DHH: variants seen among roughly 807,000 people sequenced by gnomAD.
The protein encoded by DHH is desert hedgehog protein.
Under a neutral mutation model 27.6 loss-of-function variants are expected in DHH, and 16 were observed. That is an observed-to-expected ratio of 0.58 (90% CI 0.39 to 0.88). The LOEUF (loss-of-function observed/expected upper bound fraction) is 0.88. Among genes scored for constraint, DHH ranks in the 40% least tolerant of loss-of-function variants. The pLI is 0.00. For missense variants in DHH, 436 were observed against 563.1 expected, an observed-to-expected ratio of 0.77 and a Z score of 2.28; for synonymous variants, 289 against 263.4, an observed-to-expected ratio of 1.10 and a Z score of -0.94.
chr12:49,089,996 A>G lies in DHH; in HGVS notation c.1054T>C (p.Trp352Arg), dbSNP rs1320122055. 6.4e-7 allele frequency: 1 copy of G among 1,565,596 alleles called. No individual in the cohort carries two copies. The highest frequency in any genetic ancestry group is 2.4e-5 in the East Asian group (1 of 42,358). ...SCYAVLESHQ[W>R]AHRAFAPLRL... ...AAGGGGGCAAAAGCGCGGTGCGCCC[A>G]CTGGTGACTCTCCAGAACCGCGTAG... The change falls in exon 3 of 3, where the codon TGG becomes CGG. Residue 352 changes from tryptophan (W) to arginine (R), a missense_variant. Transcript: ENST00000649637.
rs1939239956 is a variant in DHH, at chr12:49,088,328, G to T, written c.*1531C>A. ...CACCCATCATCTCTCCCTCCTGGGA[G>T]CGGGCTCCTTTGCGCAGGTCCAGTA... On this transcript the variant is annotated 3_prime_UTR_variant, in exon 3 of 3. Transcript: ENST00000649637. Among the ~76,000 whole-genome samples, 1 of 152,192 alleles carries T rather than the reference G, an allele frequency of 6.6e-6. No homozygotes were observed. Among genetic ancestry groups the T allele is most frequent in the Non-Finnish European group, 1.5e-5 (1 of 68,018 alleles).
In DHH at chr12:49,088,248, G is replaced by A. The variant is rs1310105437; in HGVS notation, c.*1611C>T. 2.0e-5 allele frequency among the ~76,000 whole-genome samples: 3 copies of A among 152,124 alleles called. No homozygotes were observed. Among genetic ancestry groups the A allele is most frequent in the East Asian group, 3.8e-4 (2 of 5,198 alleles). ...CGACTTGCCCAAGGAGAAGCAGGTG[G>A]ACTCCTTGACAGCTCCTGATATGTG... On this transcript the variant is annotated 3_prime_UTR_variant, in exon 3 of 3. Coordinates refer to ENST00000649637, the MANE Select transcript of DHH (RefSeq NM_021044.4).
In DHH at chr12:49,087,090, AT is replaced by A. The variant is rs1939222243; in HGVS notation, c.*2768del. Among the ~76,000 whole-genome samples, 1 of 152,130 alleles carries A rather than the reference AT, an allele frequency of 6.6e-6. No homozygotes were observed. Among genetic ancestry groups the A allele is most frequent in the South Asian group, 2.1e-4 (1 of 4,838 alleles). ...CAAATCATCATCGCCTATTTTGTTG[AT>A]GGTGAAAGGTGCTGCAATTGGGAGG... On this transcript the variant is annotated 3_prime_UTR_variant, in exon 3 of 3. Transcript: ENST00000649637.
chr12:49,089,908 T>A lies in DHH; in HGVS notation c.1142A>T (p.His381Leu). 1 of 1,594,280 alleles carries A rather than the reference T, an allele frequency of 6.3e-7. No individual in the cohort carries two copies. The highest frequency in any genetic ancestry group is 1.3e-5 in the African/African-American group (1 of 74,616). The change falls in exon 3 of 3, where the codon CAT (histidine) becomes CTT (leucine). Residue 381 changes from histidine (H) to leucine (L), a missense_variant. Transcript: ENST00000649637. ...GCGGTAGAGGAGCCGAGAGTACCAATGCATGCCAGTCGGCTGGACGGCCCC... is the reference window on the plus strand; with the variant it reads ...GCGGTAGAGGAGCCGAGAGTACCAAAGCATGCCAGTCGGCTGGACGGCCCC... ...PGGAVQPTGM[H>L]WYSRLLYRLA... is the part of the protein sequence containing the mutation.
rs1939287462 is a variant in DHH at position 49,090,728 on chromosome 12, C to A, written c.566-244G>T. On this transcript the variant is annotated intron_variant, in intron 2 of 2. Transcript: ENST00000649637. The surrounding 1 kb of genome is among the most constrained non-coding windows in gnomAD (Gnocchi z 5.2). The stretch of plus-strand genomic sequence containing the variant: ...GTATGTATGTATTTTGAGATAGAAT[C>A]TCGCTCTGTCGCCCAGTAGATGGAG... 6.6e-6 allele frequency among the ~76,000 whole-genome samples: 1 copy of A among 151,260 alleles called. No individual in the cohort carries two copies. The highest frequency in any genetic ancestry group is 6.6e-5 in the Admixed American group (1 of 15,174).
Position 49,088,961 on chromosome 12 carries a change from T to G in DHH, c.*898A>C, listed in dbSNP as rs147399157. 3.3e-5 allele frequency among the ~76,000 whole-genome samples: 5 copies of G among 152,322 alleles called. 1 individual carries two copies. Among genetic ancestry groups the G allele is most frequent in the South Asian group, 2.1e-4 (1 of 4,830 alleles). On this transcript the variant is annotated 3_prime_UTR_variant, in exon 3 of 3. Coordinates refer to ENST00000649637, the MANE Select transcript of DHH (RefSeq NM_021044.4). ...GACGATTGCAAATTATTACCCAGGT[T>G]TCCCATGGATCATCAGTTGGCCCAG...
rs1264210949 is a variant in DHH at position 49,087,109 on chromosome 12, T to G, written c.*2750A>C. ...TTGTTGATGGTGAAAGGTGCTGCAA[T>G]TGGGAGGTGTTGCATGGCCAAGTGA... On this transcript the variant is annotated 3_prime_UTR_variant, in exon 3 of 3. Coordinates refer to ENST00000649637, the MANE Select transcript of DHH (RefSeq NM_021044.4). 1.3e-5 allele frequency among the ~76,000 whole-genome samples: 2 copies of G among 152,094 alleles called. No individual in the cohort carries two copies. The highest frequency in any genetic ancestry group is 2.9e-5 in the Non-Finnish European group (2 of 68,024).
rs769856217 is a variant in DHH at position 49,091,423 on chromosome 12, AC to A, written c.304-35del. 4.3e-6 allele frequency: 7 copies of A among 1,611,762 alleles called. No individual in the cohort carries two copies. The South Asian group carries it at 6.6e-5, about 15-fold the overall frequency. ...GAATAAAGGAGTCAGTCTCCCCACC[AC>A]CACCCTTGGGGCAAAAGGGACCTGG... On this transcript the variant is annotated intron_variant, in intron 1 of 2. Transcript: ENST00000649637. This position sits in a 1 kb window ranked among gnomAD's most constrained non-coding sequence, Gnocchi z 4.8.
rs1281096937 is a variant in DHH, at chr12:49,087,527, A to T, written c.*2332T>A. Among the ~76,000 whole-genome samples the T allele has an allele frequency of 1.3e-5, 2 of 152,060 alleles. No individual in the cohort carries two copies. The highest frequency in any genetic ancestry group is 4.8e-5 in the African/African-American group (2 of 41,376). On this transcript the variant is annotated 3_prime_UTR_variant, in exon 3 of 3. Transcript: ENST00000649637. ...AGACCAGCCTGGGCAACGTAGCAAG[A>T]CTCTGTCTCTACAGAAAATACAAAC...
chr12:49,093,775 CTTCTT>C (rs1592187236), intron 1 of DHH, among the ~76,000 whole-genome samples: 1 of 152,292 alleles, frequency 6.6e-6, no homozygotes, highest in East Asian at 1.9e-4. Context: ...TTTTCAGTCT[CTTCTT>C]TTCGGCCCAC....
In DHH at chr12:49,091,368, C is replaced by T. The variant is rs1462443468; in HGVS notation, c.325G>A (p.Ala109Thr). The T allele has an allele frequency of 6.2e-7, 1 of 1,614,194 alleles. No individual in the cohort carries two copies. The highest frequency in any genetic ancestry group is 8.5e-7 in the Non-Finnish European group (1 of 1,180,034). ...MTERCKERVN[A>T]LAIAVMNMWP... Reference sequence around the variant, plus strand: ...ATGTTCATCACGGCAATGGCCAAAGCGTTCACCCGCTCCTTACAACGCTGG... The same window carrying T: ...ATGTTCATCACGGCAATGGCCAAAGTGTTCACCCGCTCCTTACAACGCTGG... The change falls in exon 2 of 3, where the codon GCT becomes ACT. Residue 109 changes from alanine (A) to threonine (T), a missense_variant. By Grantham distance (58) the Ala-to-Thr change is moderately conservative. Coordinates refer to ENST00000649637, the MANE Select transcript of DHH (RefSeq NM_021044.4). This position sits in a 1 kb window ranked among gnomAD's most constrained non-coding sequence, Gnocchi z 4.8.
chr12:49,094,689 G>A lies in DHH; in HGVS notation c.-177C>T. On this transcript the variant is annotated 5_prime_UTR_variant, in exon 1 of 3. Transcript: ENST00000649637. Reference sequence around the variant, plus strand: ...CTAGCTCTGCCCACGTGCCCCGGGAGCGGGCGGGGGGTGTCTAGGACCTGC... The same window carrying A: ...CTAGCTCTGCCCACGTGCCCCGGGAACGGGCGGGGGGTGTCTAGGACCTGC... 1.3e-6 allele frequency: 1 copy of A among 783,334 alleles called. No homozygotes were observed. The highest frequency in any genetic ancestry group is 2.1e-6 in the Non-Finnish European group (1 of 473,682). 48.5% of individuals were successfully genotyped at this position (783,334 alleles called of 1,614,324 possible).
At position 49,091,224 on chromosome 12, in the gene DHH, T is replaced by G. The variant is rs1186036220; in HGVS notation, c.469A>C (p.Asn157His). Residue 157 changes from asparagine to histidine, a missense_variant, in exon 2 of 3, where the codon AAC becomes CAC. Coordinates refer to ENST00000649637, the MANE Select transcript of DHH (RefSeq NM_021044.4). This position sits in a 1 kb window ranked among gnomAD's most constrained non-coding sequence, Gnocchi z 4.8. The part of the protein sequence containing the change: ...LDITTSDRDR[N>H]KYGLLARLAV... ...AGGCGCGCCAGCAACCCATACTTGTTGCGGTCGCGGTCAGACGTAGTGATG... is the reference window on the plus strand; with the variant it reads ...AGGCGCGCCAGCAACCCATACTTGTGGCGGTCGCGGTCAGACGTAGTGATG... 1 of 1,614,082 alleles carries G rather than the reference T, an allele frequency of 6.2e-7. No individual in the cohort carries two copies. The highest frequency in any genetic ancestry group is 1.3e-5 in the African/African-American group (1 of 74,924).
rs1939258903 is a variant in DHH, at chr12:49,089,648, A to C, written c.*211T>G. On this transcript the variant is annotated 3_prime_UTR_variant, in exon 3 of 3. Transcript: ENST00000649637. ...GGGAGAGGCTAAATAGTCCTCTTTA[A>C]GGAGTGCGCACCATCAGCCCTACCT... The C allele has an allele frequency of 2.1e-6, 1 of 484,516 alleles. No individual in the cohort carries two copies. Among genetic ancestry groups the C allele is most frequent in the Non-Finnish European group, 3.5e-6 (1 of 283,910 alleles). The allele number at this position is 484,516 out of a possible 1,614,324, so 30.0% of individuals were successfully genotyped here. A position where few individuals can be genotyped will look rare whatever the true frequency, so the allele number is the denominator to read the frequency against.
rs1939371196 is a variant in DHH at position 49,094,622 on chromosome 12, G to A, written c.-110C>T. ...AGGGCAGCAGGCACAGCTGCCCCCA[G>A]AGTGCCCTAGAGCTCTTGTGGCTCC... On this transcript the variant is annotated 5_prime_UTR_variant, in exon 1 of 3. Transcript: ENST00000649637. 1 of 1,260,102 alleles carries A rather than the reference G, an allele frequency of 7.9e-7. No individual in the cohort carries two copies. Among genetic ancestry groups the A allele is most frequent in the African/African-American group, 1.5e-5 (1 of 67,132 alleles). 78.1% of individuals were successfully genotyped at this position (1,260,102 alleles called of 1,614,324 possible).
Position 49,094,439 on chromosome 12 carries a change from G to T in DHH, c.74C>A (p.Pro25Gln), listed in dbSNP as rs754916960. The T allele has an allele frequency of 6.2e-7, 1 of 1,602,484 alleles. No homozygotes were observed. The highest frequency in any genetic ancestry group is 1.7e-5 in the Admixed American group (1 of 58,226). ...GCGCCGGCCAACCGGCCCCCGGCCC[G>T]GCCCGCAGCTCTGGGCTGGCAGCGC... is the stretch of plus-strand genomic sequence containing the variant. The part of the protein sequence containing the change: ...LLALPAQSCG[P>Q]GRGPVGRRRY... The change falls in exon 1 of 3, where the codon CCG becomes CAG. Residue 25 changes from proline to glutamine, a missense_variant. Transcript: ENST00000649637.
At chr12:49,094,175 G>A in intron 1 of DHH, 35 bp downstream of exon 1, 1 of 1,612,232 alleles carries the variant, frequency 6.2e-7, no homozygotes. Flanking sequence ...GGAGCTGGCA[G>A]TGCCCCGGCG....
In DHH at chr12:49,090,224, C is replaced by A; in HGVS notation, c.826G>T (p.Ala276Ser). The A allele has an allele frequency of 6.4e-7, 1 of 1,556,788 alleles. No homozygotes were observed. Among genetic ancestry groups the A allele is most frequent in the South Asian group, 1.2e-5 (1 of 84,632 alleles). The change falls in exon 3 of 3, where the codon GCT (alanine) becomes TCT (serine). Residue 276 changes from alanine to serine, a missense_variant. By Grantham distance (99) the Ala-to-Ser change is moderately conservative (BLOSUM62 1). Coordinates refer to ENST00000649637, the MANE Select transcript of DHH (RefSeq NM_021044.4). This position sits in a 1 kb window ranked among gnomAD's most constrained non-coding sequence, Gnocchi z 5.2. ...CCTGGCGCGGGCGCCGGCCCTCGAG[C>A]GGCAAACACCAGGTGCCAGGGCGTG... ...LLTPWHLVFA[A>S]RGPAPAPGDF... is the part of the protein sequence containing the mutation.
In DHH at chr12:49,089,764, C is replaced by G; in HGVS notation, c.*95G>C. On this transcript the variant is annotated 3_prime_UTR_variant, in exon 3 of 3. Coordinates refer to ENST00000649637, the MANE Select transcript of DHH (RefSeq NM_021044.4). The stretch of plus-strand genomic sequence containing the variant: ...TCTCCCTCCCCCTCCCTCTCCCTCC[C>G]TTCCAGTCGGCATCGTCTGCTGCCC... 3.5e-6 allele frequency: 5 copies of G among 1,411,680 alleles called. No homozygotes were observed. Among genetic ancestry groups the G allele is most frequent in the Non-Finnish European group, 4.6e-6 (5 of 1,078,028 alleles). 87.4% of individuals were successfully genotyped at this position (1,411,680 alleles called of 1,614,324 possible). A position where few individuals can be genotyped will look rare whatever the true frequency, so the allele number is the denominator to read the frequency against.
Sources: allele counts gnomAD v4.1 joint callset (sites outside exome capture counted in the v4.1 genomes callset), GRCh38; gene constraint gnomAD v4.1.1; non-coding constraint Gnocchi (gnomAD v3.1); transcripts MANE v1.5; gene names NCBI Gene and HGNC (gene_info 2026-07-23, HGNC 2026-07-21).